Variants in NR6A1 observed in about 807,000 individuals in gnomAD.
NR6A1 encodes nuclear receptor subfamily 6 group A member 1, also known as retinoic acid receptor-related testis-associated receptor.
Under a neutral mutation model 59.1 loss-of-function variants are expected in NR6A1, and 7 were observed. The observed-to-expected ratio is 0.12, with a 90% CI of 0.07 to 0.22. NR6A1 has a LOEUF of 0.22. Ranked by LOEUF, NR6A1 falls within the 10% of genes least tolerant of loss-of-function variation. The probability of loss-of-function intolerance (pLI) is 1.00; values close to 1 mark genes in which losing one functional copy is unlikely to be tolerated. For synonymous variants in NR6A1, 243 were observed against 236.1 expected (o/e 1.03, Z -0.27); for missense variants, 468 against 611.6 (o/e 0.77, Z 2.48).
At chr9:124,562,140 T>C (rs778330261) in intron 2 of NR6A1, among the ~76,000 whole-genome samples, 15 of 152,178 alleles carry the variant, frequency 9.9e-5, no homozygotes, top group Non-Finnish European at 2.2e-4. Context: ...CAACTTGGGT[T>C]TCCTCTGAGA....
At chr9:124,646,272 G>C (rs1836925357) in intron 2 of NR6A1, among the ~76,000 whole-genome samples, 1 of 151,848 alleles carries the variant, frequency 6.6e-6, no homozygotes, top group South Asian at 2.1e-4. Flanking sequence ...ATGAAATTAA[G>C]AACAGGGAAG....
intron 2 of NR6A1, among the ~76,000 whole-genome samples, chr9:124,650,885 G>GA (rs1837079640): frequency 6.6e-6 from 1 of 152,028 alleles, no homozygotes; most frequent in Non-Finnish European, 1.5e-5. Context: ...TGTCACTTTA[G>GA]AAAAAAGTCT....
intron 2 of NR6A1, among the ~76,000 whole-genome samples, chr9:124,569,415 G>T (rs565636140): frequency 1.3e-5 from 2 of 152,166 alleles, no homozygotes; most frequent in Non-Finnish European, 2.9e-5. Context: ...CTCAGGTTAC[G>T]CAAATTACAT....
At chr9:124,545,252 A>G (rs1226817102) in intron 3 of NR6A1, among the ~76,000 whole-genome samples, 1 of 152,246 alleles carries the variant, frequency 6.6e-6, no homozygotes, top group Non-Finnish European at 1.5e-5. Flanking sequence ...TTTATGTTAC[A>G]TTACATAAAA....
chr9:124,640,896 C>T (rs1324970080), intron 2 of NR6A1, among the ~76,000 whole-genome samples: 1 of 152,140 alleles, frequency 6.6e-6, no homozygotes, highest in Non-Finnish European at 1.5e-5. Context: ...TACCCTTTTG[C>T]CTTCATTCAA....
At chr9:124,582,106 A>T (rs1021845891) in intron 2 of NR6A1, among the ~76,000 whole-genome samples, 1 of 152,258 alleles carries the variant, frequency 6.6e-6, no homozygotes, top group African/African-American at 2.4e-5. Flanking sequence ...TCATTCTATT[A>T]TAAAGACATA....
chr9:124,614,510 T>C (rs1174509798), intron 2 of NR6A1, among the ~76,000 whole-genome samples: 1 of 152,190 alleles, frequency 6.6e-6, no homozygotes, highest in Non-Finnish European at 1.5e-5. Context: ...TCCTATTCAA[T>C]CTATAAATGA....
chr9:124,526,230 T>C (rs554823349), intron 8 of NR6A1, among the ~76,000 whole-genome samples: 3 of 152,292 alleles, frequency 2.0e-5, no homozygotes, highest in Admixed American at 6.5e-5. Context: ...AGATACCACA[T>C]AAATCACATC....
chr9:124,599,138 C>G, intron 2 of NR6A1: 1 of 646,146 alleles, frequency 1.5e-6, no homozygotes, highest in Non-Finnish European at 2.9e-6. Flanking sequence ...CAGTTTCGCC[C>G]CCATTTTAAA....
intron 2 of NR6A1, among the ~76,000 whole-genome samples, chr9:124,697,132 C>A (rs1456151688): frequency 6.6e-6 from 1 of 152,108 alleles, no homozygotes; most frequent in Admixed American, 6.5e-5. Flanking sequence ...GGCAATTTCA[C>A]AATGGAAGAA....
At chr9:124,670,795 G>T (rs1159020864) in intron 2 of NR6A1, among the ~76,000 whole-genome samples, 1 of 152,176 alleles carries the variant, frequency 6.6e-6, no homozygotes, top group East Asian at 1.9e-4. Context: ...GATTGTCAGG[G>T]TATCAGGTTG....
In NR6A1 at chr9:124,724,973, C is replaced by T. The variant is rs534505709; in HGVS notation, c.142+8335G>A. ...CCCTTTACTGTTCCTGTTTTATAGC[C>T]TAACTGGCCCCCAAACATAAATCAA... On this transcript the variant is annotated intron_variant, in intron 2 of 9. Transcript: ENST00000487099. Among the ~76,000 whole-genome samples the T allele has an allele frequency of 2.0e-5, 3 of 152,162 alleles. No individual in the cohort carries two copies. In the South Asian group the frequency reaches 6.2e-4, roughly 32 times the overall value.
At chr9:124,667,773 T>C (rs190374725) in intron 2 of NR6A1, among the ~76,000 whole-genome samples, 14 of 152,254 alleles carry the variant, frequency 9.2e-5, no homozygotes, top group Non-Finnish European at 1.3e-4. Context: ...TGTAGTGATA[T>C]ACCTTGTAAA....
At chr9:124,673,509 C>T (rs965044171) in intron 2 of NR6A1, among the ~76,000 whole-genome samples, 5 of 148,962 alleles carry the variant, frequency 3.4e-5, no homozygotes, top group Non-Finnish European at 7.4e-5. Context: ...AACCTGGGTA[C>T]GGTGGCATGT....
chr9:124,596,201 C>T (rs2130810654), intron 2 of NR6A1, among the ~76,000 whole-genome samples: 1 of 151,812 alleles, frequency 6.6e-6, no homozygotes, highest in African/African-American at 2.4e-5. Flanking sequence ...AAGAACTATT[C>T]TATGCTATAG....
chr9:124,679,755 G>T (rs765548621), intron 2 of NR6A1, among the ~76,000 whole-genome samples: 8 of 151,866 alleles, frequency 5.3e-5, no homozygotes, highest in Non-Finnish European at 1.0e-4. Context: ...AAATTAGCCG[G>T]TCATGGTGGC....
chr9:124,565,244 C>T (rs1342458872), intron 2 of NR6A1, among the ~76,000 whole-genome samples: 3 of 151,918 alleles, frequency 2.0e-5, no homozygotes, highest in African/African-American at 4.8e-5. Flanking sequence ...CTGGCTAACA[C>T]GGTGAAACCC....
chr9:124,615,709 A>G (rs1229984453), intron 2 of NR6A1, among the ~76,000 whole-genome samples: 3 of 152,114 alleles, frequency 2.0e-5, no homozygotes, highest in Non-Finnish European at 4.4e-5. Flanking sequence ...ACAAGAGAAG[A>G]CTGATTATAG....
At chr9:124,670,216 CAAAAAAA>C (rs1245931470) in intron 2 of NR6A1, among the ~76,000 whole-genome samples, 1 of 82,134 alleles carries the variant, frequency 1.2e-5, no homozygotes, top group African/African-American at 3.7e-5. Context: ...CTCATCTCTG[CAAAAAAA>C]AAAAAAAAAA....
Sources: gnomAD v4.1 joint callset for allele counts (sites outside exome capture counted in the v4.1 genomes callset) on GRCh38, gnomAD v4.1.1 for gene constraint, MANE v1.5 for transcripts, NCBI Gene and HGNC (gene_info 2026-07-23, HGNC 2026-07-21) for gene names.